Variants in LRP1B observed in about 807,000 individuals in gnomAD.
The protein encoded by LRP1B is low-density lipoprotein receptor-related protein 1B.
LRP1B carries 217 observed loss-of-function variants against 556.6 expected under a neutral mutation model. The ratio of observed to expected loss-of-function variants is 0.39; its 90% CI spans 0.35 to 0.44. The LOEUF (loss-of-function observed/expected upper bound fraction) is 0.44. LRP1B is among the 20% of genes least tolerant of loss of function. LRP1B has a pLI of 1.00. For synonymous variants in LRP1B, 2,047 were observed against 1,865.8 expected, an observed-to-expected ratio of 1.10 and a Z score of -2.50; for missense variants, 5,053 against 5,620.8, an observed-to-expected ratio of 0.90 and a Z score of 3.23.
chr2:140,319,639 G>A (rs1314639846), intron 82 of LRP1B, among the ~76,000 whole-genome samples: 1 of 152,164 alleles, frequency 6.6e-6, no homozygotes, highest in Non-Finnish European at 1.5e-5. Context: ...AGGGTGGGAG[G>A]AGGGAGAGGA....
At chr2:141,708,470 C>T (rs375203597) in intron 2 of LRP1B, among the ~76,000 whole-genome samples, 1 of 152,200 alleles carries the variant, frequency 6.6e-6, no homozygotes, top group Admixed American at 6.5e-5. Flanking sequence ...ATGGTGCAAG[C>T]ACACACATAC....
Position 140,886,270 on chromosome 2 carries a change from T to G in LRP1B, c.3832A>C (p.Arg1278=). Residue 1278 remains arginine (R), a synonymous_variant, in exon 24 of 91, where the codon AGA becomes CGA. Coordinates refer to ENST00000389484, the MANE Select transcript of LRP1B (RefSeq NM_018557.3). The part of the protein sequence containing the change: ...HEIRRIDLHK[R]DYSLLVPGLR... ...CCAGGAACAAGTAGACTATAGTCTC[T>G]TTTGTGAAGATCAATCCTTCTGATC... 1 of 1,609,616 alleles carries G rather than the reference T, an allele frequency of 6.2e-7. No homozygotes were observed. Among genetic ancestry groups the G allele is most frequent in the South Asian group, 1.1e-5 (1 of 90,634 alleles).
intron 41 of LRP1B, among the ~76,000 whole-genome samples, chr2:140,676,411 A>G (rs900983746): frequency 6.6e-6 from 1 of 152,222 alleles, no homozygotes; most frequent in African/African-American, 2.4e-5. Context: ...CTGTTGATTC[A>G]TAAATTTAAA....
chr2:142,112,743 G>C (rs1261886050), intron 1 of LRP1B, among the ~76,000 whole-genome samples: 1 of 151,962 alleles, frequency 6.6e-6, no homozygotes, highest in African/African-American at 2.4e-5. Context: ...TCTTCGAATT[G>C]GTTCTGATGT....
chr2:141,786,656 G>C (rs779887263), intron 2 of LRP1B, among the ~76,000 whole-genome samples: 27 of 151,706 alleles, frequency 1.8e-4, no homozygotes, highest in Non-Finnish European at 3.7e-4. Context: ...TATTGGACTG[G>C]CTAGGACCAC....
intron 66 of LRP1B, among the ~76,000 whole-genome samples, chr2:140,426,765 A>G (rs1299164473): frequency 6.6e-6 from 1 of 152,150 alleles, no homozygotes; most frequent in African/African-American, 2.4e-5. Context: ...GCTCACACAA[A>G]GCCTGTTTGG....
At chr2:141,557,415 T>C (rs562869041) in intron 2 of LRP1B, among the ~76,000 whole-genome samples, 1 of 152,000 alleles carries the variant, frequency 6.6e-6, no homozygotes, top group Admixed American at 6.6e-5. Context: ...GGTGGTGAAA[T>C]GCAAGAATTT....
At position 140,541,769 on chromosome 2, in the gene LRP1B, T is replaced by C. The variant is rs1334188277; in HGVS notation, c.7387+10A>G. On this transcript the variant is annotated intron_variant, in intron 44 of 90. Transcript: ENST00000389484. ...ATGAAAAAACACATTTGCTTTCTAT[T>C]ATAACTTACAGCTATTGGTGTCATT... 2 of 1,599,200 alleles carry C rather than the reference T, an allele frequency of 1.3e-6. No homozygotes were observed. The highest frequency in any genetic ancestry group is 1.7e-6 in the Non-Finnish European group (2 of 1,169,318).
intron 2 of LRP1B, among the ~76,000 whole-genome samples, chr2:141,607,283 AAAC>A (rs1687950198): frequency 6.6e-6 from 1 of 152,202 alleles, no homozygotes; most frequent in African/African-American, 2.4e-5. Flanking sequence ...CTACTAAAAC[AAAC>A]AACAGCCAAT....
chr2:140,907,780 G>T, intron 22 of LRP1B, 97 bp downstream of exon 22: 2 of 1,027,682 alleles, frequency 1.9e-6, no homozygotes, highest in Non-Finnish European at 3.0e-6. Context: ...TAAAGGGAAT[G>T]AATGAAAGGA....
intron 86 of LRP1B, among the ~76,000 whole-genome samples, chr2:140,248,828 T>C (rs17385549): frequency 0.021 from 3,108 of 151,540 alleles, 38 homozygotes; most frequent in African/African-American, 0.029. Flanking sequence ...TTCTAATGAT[T>C]GTGAAATGCT....
rs139402625 is a variant in LRP1B at position 141,670,625 on chromosome 2, G to A, written c.205+139654C>T. 6.4e-4 allele frequency among the ~76,000 whole-genome samples: 98 copies of A among 152,316 alleles called. 3 individuals are homozygous for A. In the East Asian group the frequency reaches 0.014, roughly 21 times the overall value. ...CTGGTATGAATTTCACATTTTGGGTGAAGAACAGACTTATCTGGTAAAATC... is the reference window on the plus strand; with the variant it reads ...CTGGTATGAATTTCACATTTTGGGTAAAGAACAGACTTATCTGGTAAAATC... On this transcript the variant is annotated intron_variant, in intron 2 of 90. Transcript: ENST00000389484.
intron 83 of LRP1B, among the ~76,000 whole-genome samples, chr2:140,314,273 TG>T (rs745428242): frequency 6.2e-4 from 94 of 152,140 alleles, no homozygotes; most frequent in African/African-American, 2.2e-3. Context: ...TATTATGCAT[TG>T]GGGTTATTTT....
intron 41 of LRP1B, among the ~76,000 whole-genome samples, chr2:140,655,386 A>G (rs968845717): frequency 6.6e-6 from 1 of 152,172 alleles, no homozygotes; most frequent in East Asian, 1.9e-4. Flanking sequence ...ATTGTCACAG[A>G]TATAAAATAT....
chr2:141,339,455 T>G (rs990233091), intron 3 of LRP1B, among the ~76,000 whole-genome samples: 1 of 152,174 alleles, frequency 6.6e-6, no homozygotes, highest in African/African-American at 2.4e-5. Flanking sequence ...AAACTTGGCT[T>G]TACCATATGC....
chr2:142,090,684 G>A (rs13412878), intron 1 of LRP1B, among the ~76,000 whole-genome samples: 12,411 of 152,056 alleles, frequency 0.082, 549 homozygotes, highest in Non-Finnish European at 0.092. Flanking sequence ...TTGACAGAAT[G>A]AAAAATGAAC....
chr2:140,837,616 T>C (rs1691953153), intron 31 of LRP1B, among the ~76,000 whole-genome samples: 1 of 151,602 alleles, frequency 6.6e-6, no homozygotes. Context: ...AAAAATATAC[T>C]TGGTGAGTTC....
At chr2:141,097,558 T>A (rs1700352608) in intron 7 of LRP1B, among the ~76,000 whole-genome samples, 1 of 152,142 alleles carries the variant, frequency 6.6e-6, no homozygotes. Flanking sequence ...TTTAGAAATG[T>A]TTTATAGCCA....
At chr2:141,287,541 T>TTATCTAC (rs1403961938) in intron 3 of LRP1B, among the ~76,000 whole-genome samples, 1 of 152,120 alleles carries the variant, frequency 6.6e-6, no homozygotes, top group African/African-American at 2.4e-5. Context: ...AAGCAATACT[T>TTATCTAC]TATCTACATC....
Sources: allele counts gnomAD v4.1 joint callset (sites outside exome capture counted in the v4.1 genomes callset), GRCh38; gene constraint gnomAD v4.1.1; transcripts MANE v1.5; gene names NCBI Gene and HGNC (gene_info 2026-07-23, HGNC 2026-07-21).